CTNNA3: variants seen among roughly 807,000 people sequenced by gnomAD.
The protein encoded by CTNNA3 is catenin alpha 3, also known as catenin alpha-3.
In CTNNA3, 76 loss-of-function variants were observed where a neutral mutation model predicts 95.7. The ratio of observed to expected loss-of-function variants is 0.79; its 90% CI spans 0.66 to 0.96. CTNNA3 has a LOEUF of 0.96. CTNNA3 is among the 40% of genes least tolerant of loss of function. The pLI, the probability that CTNNA3 is intolerant of heterozygous loss-of-function variation, is 0.00. For missense variants in CTNNA3, 1,191 were observed against 1,089.8 expected (o/e 1.09, Z -1.31); for synonymous variants, 431 against 374.4 (o/e 1.15, Z -1.74).
intron 12 of CTNNA3, among the ~76,000 whole-genome samples, chr10:66,374,696 C>A (rs909543836): frequency 1.4e-5 from 2 of 144,090 alleles, no homozygotes; most frequent in Non-Finnish European, 3.0e-5. Flanking sequence ...CTCACTGCAA[C>A]CTCTGCCTCC....
At position 67,134,571 on chromosome 10, in the gene CTNNA3, C is replaced by T. The variant is rs114346388; in HGVS notation, c.1047+45746G>A. ...CTCAATTCCTGCTTGTTACATTGAC[C>T]CTGAACTTTGAGCACCCATCAAGAG... On this transcript the variant is annotated intron_variant, in intron 7 of 17. Transcript: ENST00000433211. 8.1e-3 allele frequency among the ~76,000 whole-genome samples: 1,237 copies of T among 152,080 alleles called. 26 individuals are homozygous for T. Among genetic ancestry groups the T allele is most frequent in the African/African-American group, 0.028 (1,177 of 41,476 alleles).
chr10:66,446,315 C>T (rs564650176), intron 11 of CTNNA3, among the ~76,000 whole-genome samples: 3 of 152,306 alleles, frequency 2.0e-5, no homozygotes, highest in East Asian at 1.9e-4. Flanking sequence ...TCCTCCCTAA[C>T]TCATTTTATG....
At chr10:66,550,774 CT>C (rs969174700) in intron 10 of CTNNA3, among the ~76,000 whole-genome samples, 10 of 150,006 alleles carry the variant, frequency 6.7e-5, no homozygotes, top group Non-Finnish European at 4.4e-5. Context: ...TACTGGCTGA[CT>C]TTTTTTTAAT....
intron 17 of CTNNA3, among the ~76,000 whole-genome samples, chr10:65,963,868 T>G (rs536288498): frequency 6.6e-6 from 1 of 152,310 alleles, no homozygotes; most frequent in African/African-American, 2.4e-5. Flanking sequence ...TCTCTCAGGT[T>G]ATTTTATTTT....
intron 7 of CTNNA3, among the ~76,000 whole-genome samples, chr10:67,090,260 C>A (rs1254514902): frequency 1.3e-5 from 2 of 152,076 alleles, no homozygotes; most frequent in African/African-American, 4.8e-5. Context: ...AAGCAGAGAA[C>A]TCTGATTTTG....
At chr10:67,495,848 G>A (rs755980687) in intron 5 of CTNNA3, among the ~76,000 whole-genome samples, 1 of 152,130 alleles carries the variant, frequency 6.6e-6, no homozygotes, top group South Asian at 2.1e-4. Context: ...TATGATTATT[G>A]TAAGAATTAA....
Position 66,633,234 on chromosome 10 carries a change from G to A in CTNNA3, c.1282-11450C>T, listed in dbSNP as rs553941995. 3.7e-4 allele frequency among the ~76,000 whole-genome samples: 57 copies of A among 152,110 alleles called. 1 individual carries two copies. Among genetic ancestry groups the A allele is most frequent in the African/African-American group, 1.3e-3 (55 of 41,506 alleles). On this transcript the variant is annotated intron_variant, in intron 9 of 17. Transcript: ENST00000433211. The stretch of plus-strand genomic sequence containing the variant: ...ACGTGAAAACTTTATTTGTAAAAGC[G>A]AAAATGAATCTAAATATTTAACAGT...
At position 67,227,459 on chromosome 10, in the gene CTNNA3, G is replaced by C. The variant is rs1399312369; in HGVS notation, c.580-7589C>G. ...AACAGCAGCCAAAAGAGACAAAGAGGGACATTATATAATGATAAAAGGCCT... is the reference window on the plus strand; with the variant it reads ...AACAGCAGCCAAAAGAGACAAAGAGCGACATTATATAATGATAAAAGGCCT... On this transcript the variant is annotated intron_variant, in intron 5 of 17. Transcript: ENST00000433211. 5.3e-5 allele frequency among the ~76,000 whole-genome samples: 8 copies of C among 152,028 alleles called. No homozygotes were observed. In the East Asian group the frequency reaches 1.6e-3, roughly 29 times the overall value.
intron 13 of CTNNA3, among the ~76,000 whole-genome samples, chr10:66,219,101 G>A (rs10822753): frequency 0.48 from 73,052 of 151,996 alleles, 18,045 homozygotes; most frequent in Middle Eastern, 0.6. Flanking sequence ...CAAGATAAAC[G>A]TACTGGAGCT....
At chr10:66,148,447 T>A (rs780636490) in intron 13 of CTNNA3, among the ~76,000 whole-genome samples, 6 of 152,110 alleles carry the variant, frequency 3.9e-5, no homozygotes, top group Non-Finnish European at 7.4e-5. Flanking sequence ...ATAGGTGAGA[T>A]GTTTGCAGAA....
intron 13 of CTNNA3, among the ~76,000 whole-genome samples, chr10:66,202,159 T>C (rs556505509): frequency 6.6e-6 from 1 of 152,340 alleles, no homozygotes; most frequent in South Asian, 2.1e-4. Context: ...GTTTAACATT[T>C]ATGTACTCTC....
chr10:67,575,575 A>G (rs1842115390), intron 3 of CTNNA3, among the ~76,000 whole-genome samples: 1 of 152,174 alleles, frequency 6.6e-6, no homozygotes, highest in African/African-American at 2.4e-5. Flanking sequence ...CATTTCACAT[A>G]TAGGAATTCA....
At chr10:67,558,704 G>A (rs188970753) in intron 3 of CTNNA3, among the ~76,000 whole-genome samples, 183 of 152,350 alleles carry the variant, frequency 1.2e-3, no homozygotes, top group African/African-American at 3.8e-3. Flanking sequence ...CTCGAGAAGC[G>A]CAAGGGGTCA....
At chr10:67,668,913 A>G (rs1158725455) in intron 1 of CTNNA3, among the ~76,000 whole-genome samples, 1 of 128,828 alleles carries the variant, frequency 7.8e-6, no homozygotes, top group African/African-American at 3.0e-5. Flanking sequence ...ATCTCGGCTT[A>G]CTGCAACCTC....
chr10:67,517,546 C>T (rs1263258358), intron 5 of CTNNA3, among the ~76,000 whole-genome samples: 1 of 152,070 alleles, frequency 6.6e-6, no homozygotes, highest in East Asian at 1.9e-4. Flanking sequence ...TCCTGAGCAT[C>T]GTCACTAAAA....
chr10:66,328,797 A>G (rs1438327623), intron 12 of CTNNA3, among the ~76,000 whole-genome samples: 1 of 150,916 alleles, frequency 6.6e-6, no homozygotes, highest in African/African-American at 2.4e-5. Context: ...AGGAGAACCA[A>G]TAATGTAAGT....
chr10:67,439,743 A>T (rs895738228), intron 5 of CTNNA3, among the ~76,000 whole-genome samples: 1 of 152,146 alleles, frequency 6.6e-6, no homozygotes, highest in Non-Finnish European at 1.5e-5. Flanking sequence ...CCCAGAAGGG[A>T]GCCTGCTACC....
intron 13 of CTNNA3, among the ~76,000 whole-genome samples, chr10:66,192,144 C>G (rs553757465): frequency 1.3e-5 from 2 of 152,064 alleles, no homozygotes; most frequent in Non-Finnish European, 2.9e-5. Flanking sequence ...ACAAAACAAA[C>G]CAAGATAGAT....
At chr10:67,136,482 T>G (rs1490612079) in intron 7 of CTNNA3, among the ~76,000 whole-genome samples, 1 of 152,008 alleles carries the variant, frequency 6.6e-6, no homozygotes, top group Non-Finnish European at 1.5e-5. Context: ...AGGTAAACGA[T>G]AGTGCACACA....
Sources: gnomAD v4.1 joint callset for allele counts (sites outside exome capture counted in the v4.1 genomes callset) on GRCh38, gnomAD v4.1.1 for gene constraint, MANE v1.5 for transcripts, NCBI Gene and HGNC (gene_info 2026-07-23, HGNC 2026-07-21) for gene names.